LRRIQ1: variants seen among roughly 807,000 people sequenced by gnomAD.
LRRIQ1 encodes the protein leucine rich repeats and IQ motif containing 1.
LRRIQ1 carries 210 observed loss-of-function variants against 211.9 expected under a neutral mutation model. The observed-to-expected ratio is 0.99, with a 90% CI of 0.89 to 1.11. The LOEUF (loss-of-function observed/expected upper bound fraction) is 1.11. Among genes scored for constraint, LRRIQ1 ranks in the 50% most tolerant of loss-of-function variants. LRRIQ1 has a pLI of 0.00. For synonymous variants in LRRIQ1, 699 were observed against 650.1 expected (o/e 1.08, Z -1.14); for missense variants, 2,136 against 1,939.5 (o/e 1.10, Z -1.90).
chr12:85,192,616 C>T (rs11608426), intron 24 of LRRIQ1, among the ~76,000 whole-genome samples: 1 of 100,108 alleles, frequency 1.0e-5, no homozygotes, highest in Non-Finnish European at 1.8e-5. Flanking sequence ...TAGTTATATA[C>T]TATAATTATA....
At chr12:85,076,781 T>A (rs1488338289) in intron 11 of LRRIQ1, among the ~76,000 whole-genome samples, 2 of 28,378 alleles carry the variant, frequency 7.0e-5, no homozygotes, top group African/African-American at 9.9e-4. Context: ...TATTCAGTGA[T>A]TTTTTTTTTT....
chr12:85,072,822 A>T, intron 10 of LRRIQ1, 85 bp from the exon 11 acceptor site: 1 of 872,538 alleles, frequency 1.1e-6, no homozygotes, highest in Non-Finnish European at 1.6e-6. Flanking sequence ...CTCCAGGTTT[A>T]AATTTTTTTC....
At chr12:85,230,683 A>G (rs1894890329) in intron 25 of LRRIQ1, among the ~76,000 whole-genome samples, 1 of 152,214 alleles carries the variant, frequency 6.6e-6, no homozygotes, top group African/African-American at 2.4e-5. Context: ...ATTTTTACAT[A>G]GGTTTTCAAG....
chr12:85,177,524 T>C (rs1352068312), intron 24 of LRRIQ1, among the ~76,000 whole-genome samples: 2 of 152,176 alleles, frequency 1.3e-5, no homozygotes, highest in Non-Finnish European at 2.9e-5. Flanking sequence ...GACTAAGGCA[T>C]GGTCCTATTG....
chr12:85,179,651 T>G (rs542168144), intron 24 of LRRIQ1, among the ~76,000 whole-genome samples: 1 of 152,126 alleles, frequency 6.6e-6, no homozygotes, highest in African/African-American at 2.4e-5. Context: ...TGATAAACTG[T>G]GTTCTTTCTA....
intron 10 of LRRIQ1, among the ~76,000 whole-genome samples, chr12:85,070,565 T>C (rs1469464488): frequency 1.3e-5 from 2 of 151,952 alleles, no homozygotes; most frequent in African/African-American, 4.8e-5. Flanking sequence ...TGCCAACTTG[T>C]TTTTTGTTTG....
intron 11 of LRRIQ1, among the ~76,000 whole-genome samples, chr12:85,079,780 C>T (rs1357594766): frequency 6.6e-6 from 1 of 151,624 alleles, no homozygotes; most frequent in Non-Finnish European, 1.5e-5. Context: ...TCTTTTTGCC[C>T]TTATTTGGTT....
intron 24 of LRRIQ1, among the ~76,000 whole-genome samples, chr12:85,197,986 T>A (rs1166747097): frequency 1.6e-3 from 169 of 102,660 alleles, no homozygotes; most frequent in African/African-American, 6.7e-3. Context: ...ATAATTATAT[T>A]ATATATTATA....
chr12:85,156,205 T>A (rs1472028306), intron 23 of LRRIQ1, among the ~76,000 whole-genome samples: 3 of 151,784 alleles, frequency 2.0e-5, no homozygotes, highest in Non-Finnish European at 2.9e-5. Flanking sequence ...TTGCTTTTTT[T>A]ATCAATATAT....
chr12:85,038,299 T>G lies in LRRIQ1; in HGVS notation c.123T>G (p.Asp41Glu). 1 of 1,574,408 alleles carries G rather than the reference T, an allele frequency of 6.4e-7. No individual in the cohort carries two copies. Among genetic ancestry groups the G allele is most frequent in the South Asian group, 1.2e-5 (1 of 85,488 alleles). Residue 41 changes from aspartate to glutamate, a missense_variant, in exon 2 of 27, where the codon GAT becomes GAG. Asp to Glu is a conservative substitution (Grantham distance 45). Transcript: ENST00000393217. ...CAAAATCAGAAACCCAGAGTGATGA[T>G]AGTGATACAGTGAGTATTGCACTTT... Reference protein sequence around the residue: ...SDAKSETQSDDSDTDSVELPE... With the variant: ...SDAKSETQSDESDTDSVELPE...
At chr12:85,101,041 A>T (rs1487231171) in intron 13 of LRRIQ1, among the ~76,000 whole-genome samples, 1 of 151,762 alleles carries the variant, frequency 6.6e-6, no homozygotes, top group Admixed American at 6.6e-5. Context: ...TTTTCTCACA[A>T]GTATAAAAGT....
chr12:85,184,710 A>AT (rs1178243107), intron 24 of LRRIQ1, among the ~76,000 whole-genome samples: 6 of 150,896 alleles, frequency 4.0e-5, no homozygotes, highest in Admixed American at 6.6e-5. Context: ...TGTTTTGATA[A>AT]TTTTTTTTTG....
chr12:85,242,448 A>G (rs1295926543), intron 26 of LRRIQ1, among the ~76,000 whole-genome samples: 1 of 151,978 alleles, frequency 6.6e-6, no homozygotes, highest in Non-Finnish European at 1.5e-5. Flanking sequence ...AGAAGGGAGA[A>G]TATGCATAGG....
chr12:85,076,179 A>G (rs148996383), intron 11 of LRRIQ1, among the ~76,000 whole-genome samples: 380 of 149,494 alleles, frequency 2.5e-3, no homozygotes, highest in African/African-American at 8.6e-3. Flanking sequence ...GCACTGAAAT[A>G]TTTCTGGGGA....
exon 2 of LRRIQ1, chr12:85,262,939 T>G: frequency 1.0e-6 from 1 of 986,270 alleles, no homozygotes; most frequent in East Asian, 1.1e-4. Context: ...GGAATACCAA[T>G]ATCGCCAATA....
At position 85,095,069 on chromosome 12, in the gene LRRIQ1, G is replaced by T. The variant is rs527783009; in HGVS notation, c.2888-3286G>T. Among the ~76,000 whole-genome samples, 5 of 152,112 alleles carry T rather than the reference G, an allele frequency of 3.3e-5. No individual in the cohort carries two copies. In the South Asian group the frequency reaches 6.2e-4, roughly 19 times the overall value. Reference sequence around the variant, plus strand: ...TAGAATCACATCATCAGAAAGTGAGGTATTTTACTTCTTTTTGTGTGTGTG... The same window carrying T: ...TAGAATCACATCATCAGAAAGTGAGTTATTTTACTTCTTTTTGTGTGTGTG... On this transcript the variant is annotated intron_variant, in intron 11 of 26. Coordinates refer to ENST00000393217, the MANE Select transcript of LRRIQ1 (RefSeq NM_001079910.2).
chr12:85,044,684 T>C, intron 3 of LRRIQ1, 34 bp from the exon 4 acceptor site: 1 of 1,086,216 alleles, frequency 9.2e-7, no homozygotes, highest in Non-Finnish European at 1.4e-6. Context: ...TGTACTCTAA[T>C]ATTGGAAGTT....
intron 19 of LRRIQ1, among the ~76,000 whole-genome samples, chr12:85,147,066 G>A (rs779733356): frequency 2.0e-5 from 3 of 151,778 alleles, no homozygotes; most frequent in Non-Finnish European, 4.4e-5. Flanking sequence ...AGAGGTAGGC[G>A]CAGACTATCA....
chr12:85,170,142 A>G (rs1891342877), intron 24 of LRRIQ1, among the ~76,000 whole-genome samples: 1 of 151,996 alleles, frequency 6.6e-6, no homozygotes, highest in African/African-American at 2.4e-5. Flanking sequence ...AGAGCAACCT[A>G]TTCAACTATT....
Sources: allele counts gnomAD v4.1 joint callset (sites outside exome capture counted in the v4.1 genomes callset), GRCh38; gene constraint gnomAD v4.1.1; transcripts MANE v1.5; gene names NCBI Gene and HGNC (gene_info 2026-07-23, HGNC 2026-07-21).